The following RAB7A variants were observed in gnomAD, a reference collection of about 807,000 sequenced individuals.
RAB7A encodes the protein ras-related protein Rab-7a.
RAB7A carries 2 observed loss-of-function variants against 24.5 expected under a neutral mutation model. The ratio of observed to expected loss-of-function variants is 0.08; its 90% CI spans 0.03 to 0.26. The LOEUF is 0.26. Among genes scored for constraint, RAB7A ranks in the 10% least tolerant of loss-of-function variants. The probability of loss-of-function intolerance (pLI) is 1.00; values close to 1 mark genes in which losing one functional copy is unlikely to be tolerated. For missense variants in RAB7A, 118 were observed against 255.7 expected (o/e 0.46, Z 3.67); for synonymous variants, 100 against 95.9 (o/e 1.04, Z -0.25).
At chr3:128,806,914 C>G (rs1306396454) in intron 4 of RAB7A, among the ~76,000 whole-genome samples, 2 of 152,258 alleles carry the variant, frequency 1.3e-5, no homozygotes, top group Non-Finnish European at 2.9e-5. Flanking sequence ...CAGGCCATGC[C>G]TGGATCTCCA....
At chr3:128,747,304 C>G (rs1178198451) in intron 1 of RAB7A, among the ~76,000 whole-genome samples, 1 of 148,806 alleles carries the variant, frequency 6.7e-6, no homozygotes, top group Non-Finnish European at 1.5e-5. Flanking sequence ...AAAAAATAAT[C>G]GGCCGGGCGC....
rs1334308123 is a variant in RAB7A, at chr3:128,764,888, G to A, written c.-8-30472G>A. The A allele has an allele frequency of 7.1e-6, 10 of 1,417,746 alleles. No individual in the cohort carries two copies. In the South Asian group the frequency reaches 8.0e-5, roughly 11 times the overall value. The allele number at this position is 1,417,746 out of a possible 1,614,324, so 87.8% of individuals were successfully genotyped here. ...AAGTTCCTCAAAGCCACATCATCGC[G>A]GTCAAAGTTGTAAGACACGGACAGG... is the stretch of plus-strand genomic sequence containing the variant. On this transcript the variant is annotated intron_variant, in intron 1 of 5. Coordinates refer to ENST00000265062, the MANE Select transcript of RAB7A (RefSeq NM_004637.6).
At chr3:128,791,759 A>G (rs1933458645) in intron 1 of RAB7A, among the ~76,000 whole-genome samples, 1 of 152,188 alleles carries the variant, frequency 6.6e-6, no homozygotes, top group Admixed American at 6.5e-5. Flanking sequence ...CAAAAGAGAT[A>G]CTTGCACCCC....
chr3:128,782,095 C>G (rs1933234383), intron 1 of RAB7A, among the ~76,000 whole-genome samples: 1 of 152,190 alleles, frequency 6.6e-6, no homozygotes, highest in African/African-American at 2.4e-5. Context: ...AGCCATCTTT[C>G]TTTCCCCAGT....
At chr3:128,733,122 A>G (rs1235035248) in intron 1 of RAB7A, among the ~76,000 whole-genome samples, 1 of 152,196 alleles carries the variant, frequency 6.6e-6, no homozygotes, top group African/African-American at 2.4e-5. Flanking sequence ...ACATACATAT[A>G]TACAGAAAAG....
intron 1 of RAB7A, among the ~76,000 whole-genome samples, chr3:128,774,262 C>T (rs1933027729): frequency 1.3e-5 from 2 of 150,812 alleles, no homozygotes; most frequent in Non-Finnish European, 1.5e-5. Flanking sequence ...GTCTGACTCC[C>T]CTAGGAGTGA....
At chr3:128,735,949 C>T (rs1213733247) in intron 1 of RAB7A, among the ~76,000 whole-genome samples, 2 of 152,190 alleles carry the variant, frequency 1.3e-5, no homozygotes, top group East Asian at 1.9e-4. Flanking sequence ...AGTGGTGCAT[C>T]GTATTGAAGA....
At chr3:128,786,986 A>G (rs12054283) in intron 1 of RAB7A, among the ~76,000 whole-genome samples, 24,755 of 152,248 alleles carry the variant, frequency 0.16, 2,461 homozygotes, top group South Asian at 0.3. Context: ...AAAGTTATAC[A>G]TGGTATATAA....
At chr3:128,742,386 G>A (rs967678468) in intron 1 of RAB7A, among the ~76,000 whole-genome samples, 1 of 152,132 alleles carries the variant, frequency 6.6e-6, no homozygotes, top group African/African-American at 2.4e-5. Context: ...AAGGGGACCC[G>A]AGCGGGTTGC....
intron 1 of RAB7A, among the ~76,000 whole-genome samples, chr3:128,734,454 C>CAAAAAA (rs10524458): frequency 1.2e-5 from 1 of 86,888 alleles, no homozygotes; most frequent in Non-Finnish European, 2.8e-5. Context: ...GACCCTACCT[C>CAAAAAA]AAAAAAAAAA....
chr3:128,794,813 G>A (rs979195957), intron 1 of RAB7A, among the ~76,000 whole-genome samples: 2 of 151,974 alleles, frequency 1.3e-5, no homozygotes, highest in Non-Finnish European at 2.9e-5. Context: ...TTTCTACTTG[G>A]CATTGAGTAT....
At chr3:128,774,158 A>G (rs1428808275) in intron 1 of RAB7A, among the ~76,000 whole-genome samples, 7 of 148,748 alleles carry the variant, frequency 4.7e-5, no homozygotes, top group South Asian at 2.1e-4. Context: ...AGGTCTATCT[A>G]TATATTCCCC....
intron 3 of RAB7A, among the ~76,000 whole-genome samples, chr3:128,805,780 G>A (rs1482749696): frequency 6.6e-6 from 1 of 152,058 alleles, no homozygotes; most frequent in Non-Finnish European, 1.5e-5. Flanking sequence ...AGCCTCCCAA[G>A]TAGCTAGGAT....
intron 1 of RAB7A, among the ~76,000 whole-genome samples, chr3:128,788,761 C>G (rs1933393728): frequency 6.6e-6 from 1 of 152,244 alleles, no homozygotes; most frequent in Non-Finnish European, 1.5e-5. Context: ...TGCCCTTCCC[C>G]TAGGTACCCC....
chr3:128,778,135 AGTAAAAT>A (rs1303656021), intron 1 of RAB7A, among the ~76,000 whole-genome samples: 2 of 152,206 alleles, frequency 1.3e-5, no homozygotes, highest in Non-Finnish European at 2.9e-5. Context: ...TATTAATCCT[AGTAAAAT>A]GCCTTAGAAT....
intron 1 of RAB7A, among the ~76,000 whole-genome samples, chr3:128,739,577 T>A (rs2070529251): frequency 6.6e-6 from 1 of 152,120 alleles, no homozygotes; most frequent in South Asian, 2.1e-4. Context: ...TTGATGGCTA[T>A]AATTCAAAAC....
intron 1 of RAB7A, among the ~76,000 whole-genome samples, chr3:128,747,816 A>G (rs376924455): frequency 6.6e-6 from 1 of 151,160 alleles, no homozygotes; most frequent in South Asian, 2.1e-4. Context: ...CTCCCAGGCT[A>G]GAGTGCAGTG....
chr3:128,748,189 G>A (rs1160288587), intron 1 of RAB7A, among the ~76,000 whole-genome samples: 1 of 152,216 alleles, frequency 6.6e-6, no homozygotes, highest in Non-Finnish European at 1.5e-5. Context: ...GAGGGATTTG[G>A]TTCCTAAGAT....
At chr3:128,796,134 G>A (rs1438994552) in intron 2 of RAB7A, among the ~76,000 whole-genome samples, 1 of 152,140 alleles carries the variant, frequency 6.6e-6, no homozygotes, top group African/African-American at 2.4e-5. Context: ...GCCTGGGACG[G>A]CAGAACTGGG....
Sources: gnomAD v4.1 joint callset for allele counts (sites outside exome capture counted in the v4.1 genomes callset) on GRCh38, gnomAD v4.1.1 for gene constraint, MANE v1.5 for transcripts, NCBI Gene and HGNC (gene_info 2026-07-23, HGNC 2026-07-21) for gene names.